PLXDC2: variants seen among roughly 807,000 people sequenced by gnomAD.
The protein encoded by PLXDC2 is plexin domain-containing protein 2.
PLXDC2 carries 40 observed loss-of-function variants against 68.9 expected under a neutral mutation model. The ratio of observed to expected loss-of-function variants is 0.58; its 90% CI spans 0.45 to 0.76. The LOEUF is 0.76. Ranked by LOEUF, PLXDC2 falls within the 30% of genes least tolerant of loss-of-function variation. The probability of loss-of-function intolerance (pLI) is 0.00; values close to 1 mark genes in which losing one functional copy is unlikely to be tolerated. For missense variants in PLXDC2, 644 were observed against 661.9 expected (o/e 0.97, Z 0.30); for synonymous variants, 243 against 234.2 (o/e 1.04, Z -0.34).
At chr10:19,853,647 T>G in intron 1 of PLXDC2, among the ~76,000 whole-genome samples, 1 of 45,900 alleles carries the variant, frequency 2.2e-5, no homozygotes, top group Non-Finnish European at 3.9e-5. Flanking sequence ...CAATGCTGCT[T>G]TGGGTGGGGG....
At chr10:20,050,123 T>C (rs938014409) in intron 3 of PLXDC2, among the ~76,000 whole-genome samples, 9 of 152,120 alleles carry the variant, frequency 5.9e-5, no homozygotes, top group Non-Finnish European at 8.8e-5. Context: ...AGACTCCCTG[T>C]TCAATAAATG....
At chr10:19,929,216 A>T (rs1242971842) in intron 1 of PLXDC2, among the ~76,000 whole-genome samples, 1 of 151,810 alleles carries the variant, frequency 6.6e-6, no homozygotes, top group African/African-American at 2.4e-5. Flanking sequence ...CTGCTCTACT[A>T]AAAGAAAAAA....
intron 1 of PLXDC2, among the ~76,000 whole-genome samples, chr10:19,997,639 C>T (rs1319914148): frequency 1.3e-5 from 2 of 152,170 alleles, no homozygotes; most frequent in Admixed American, 1.3e-4. Context: ...AATACATAAA[C>T]ATATCCTTCC....
intron 12 of PLXDC2, among the ~76,000 whole-genome samples, chr10:20,225,487 A>G (rs76049772): frequency 0.051 from 7,766 of 152,158 alleles, 298 homozygotes; most frequent in East Asian, 0.16. Flanking sequence ...TAAAACTGTA[A>G]AACATCTTGA....
At chr10:20,200,907 A>G (rs928549044) in intron 9 of PLXDC2, among the ~76,000 whole-genome samples, 3 of 152,158 alleles carry the variant, frequency 2.0e-5, no homozygotes, top group Non-Finnish European at 4.4e-5. Context: ...ATGGAGAAAA[A>G]GGGAACTTTT....
intron 4 of PLXDC2, among the ~76,000 whole-genome samples, chr10:20,088,294 A>G (rs1179076537): frequency 6.6e-6 from 1 of 152,218 alleles, no homozygotes; most frequent in Non-Finnish European, 1.5e-5. Flanking sequence ...TATGTATTAA[A>G]TATTTTAGTG....
intron 1 of PLXDC2, among the ~76,000 whole-genome samples, chr10:19,832,262 C>G (rs975794396): frequency 6.6e-6 from 1 of 152,152 alleles, no homozygotes; most frequent in South Asian, 2.1e-4. Context: ...TGTTGACTGA[C>G]TTATTGAATA....
At chr10:20,195,267 C>G (rs111640092) in intron 9 of PLXDC2, among the ~76,000 whole-genome samples, 1 of 152,106 alleles carries the variant, frequency 6.6e-6, no homozygotes, top group Non-Finnish European at 1.5e-5. Context: ...AAAACTGATC[C>G]TTGAACTCTG....
At chr10:20,063,174 G>A (rs1256538975) in intron 3 of PLXDC2, among the ~76,000 whole-genome samples, 1 of 152,030 alleles carries the variant, frequency 6.6e-6, no homozygotes, top group African/African-American at 2.4e-5. Context: ...ATTCATTCTT[G>A]AATAAGTGGA....
chr10:19,936,839 A>G (rs1480183877), intron 1 of PLXDC2, among the ~76,000 whole-genome samples: 1 of 152,192 alleles, frequency 6.6e-6, no homozygotes, highest in Non-Finnish European at 1.5e-5. Context: ...CCTCATCTGC[A>G]TTGAGGATAT....
chr10:20,194,022 A>G (rs575678999), intron 9 of PLXDC2, among the ~76,000 whole-genome samples: 17 of 152,144 alleles, frequency 1.1e-4, no homozygotes, highest in Admixed American at 3.3e-4. Context: ...GCTTGGTGCA[A>G]TCTTAGAAAC....
intron 3 of PLXDC2, among the ~76,000 whole-genome samples, chr10:20,062,539 C>T (rs1836125598): frequency 6.6e-6 from 1 of 152,086 alleles, no homozygotes; most frequent in Non-Finnish European, 1.5e-5. Context: ...CTCTGCAACT[C>T]CAAAACCATG....
intron 3 of PLXDC2, among the ~76,000 whole-genome samples, chr10:20,063,094 A>T (rs1032462345): frequency 4.6e-5 from 7 of 152,112 alleles, no homozygotes; most frequent in Non-Finnish European, 7.4e-5. Flanking sequence ...TGCCCCTCAA[A>T]CGTAATTATT....
chr10:20,089,140 C>G (rs984601421), intron 4 of PLXDC2, among the ~76,000 whole-genome samples: 2 of 148,520 alleles, frequency 1.3e-5, no homozygotes, highest in Admixed American at 6.7e-5. Context: ...TAAAGGTCTG[C>G]TGTTAAATTA....
At chr10:20,006,998 T>G (rs1357654702) in intron 2 of PLXDC2, among the ~76,000 whole-genome samples, 1 of 152,140 alleles carries the variant, frequency 6.6e-6, no homozygotes, top group Non-Finnish European at 1.5e-5. Context: ...TCTGCTGAAG[T>G]GTAGGTATTA....
intron 2 of PLXDC2, among the ~76,000 whole-genome samples, chr10:20,026,449 T>C (rs1835404799): frequency 6.6e-6 from 1 of 152,194 alleles, no homozygotes; most frequent in Admixed American, 6.5e-5. Context: ...TCATGTGATT[T>C]ATCTCCTTGA....
At chr10:19,842,896 A>T (rs1836935625) in intron 1 of PLXDC2, among the ~76,000 whole-genome samples, 3 of 152,182 alleles carry the variant, frequency 2.0e-5, no homozygotes, top group Non-Finnish European at 1.5e-5. Flanking sequence ...ATCTGATATG[A>T]TGTAAACAAA....
intron 4 of PLXDC2, among the ~76,000 whole-genome samples, chr10:20,129,405 T>C (rs940293662): frequency 2.0e-5 from 3 of 152,066 alleles, no homozygotes; most frequent in African/African-American, 7.2e-5. Context: ...AAATGTCTTC[T>C]CCCATTCTGT....
intron 2 of PLXDC2, among the ~76,000 whole-genome samples, chr10:20,027,264 T>G (rs1835421125): frequency 6.6e-6 from 1 of 152,064 alleles, no homozygotes; most frequent in African/African-American, 2.4e-5. Context: ...GCAACAGTGT[T>G]GAGAGCTGGG....
Sources: allele counts gnomAD v4.1 joint callset (sites outside exome capture counted in the v4.1 genomes callset), GRCh38; gene constraint gnomAD v4.1.1; transcripts MANE v1.5; gene names NCBI Gene and HGNC (gene_info 2026-07-23, HGNC 2026-07-21).